The following SPIDR variants were observed in gnomAD, a reference collection of about 807,000 sequenced individuals.
The protein encoded by SPIDR is scaffold protein involved in DNA repair, also known as DNA repair-scaffolding protein.
A neutral mutation model predicts 104.6 loss-of-function variants in SPIDR; 93 were observed. The ratio of observed to expected loss-of-function variants is 0.89; its 90% CI spans 0.75 to 1.06. SPIDR has a LOEUF of 1.06. Ranked by LOEUF, SPIDR falls within the 50% of genes least tolerant of loss-of-function variation. The pLI is 0.00. For synonymous variants in SPIDR, 431 were observed against 416.9 expected (o/e 1.03, Z -0.41); for missense variants, 1,154 against 1,111.2 (o/e 1.04, Z -0.55).
At chr8:47,312,169 G>A (rs1368439186) in intron 5 of SPIDR, among the ~76,000 whole-genome samples, 17 of 152,218 alleles carry the variant, frequency 1.1e-4, no homozygotes, top group African/African-American at 2.9e-4. Context: ...GAATAGTGCC[G>A]CAGTAAACAT....
In SPIDR at chr8:47,592,095, A is replaced by C. The variant is rs932935740; in HGVS notation, c.1098-3716A>C. ...CATTAAATGCAAACAAAAAGGAGGA[A>C]GTCTTGGCAGAACAGGAGAAGTGAT... On this transcript the variant is annotated intron_variant, in intron 8 of 19. Coordinates refer to ENST00000297423, the MANE Select transcript of SPIDR (RefSeq NM_001080394.4). 3 of 1,275,204 alleles carry C rather than the reference A, an allele frequency of 2.4e-6. No homozygotes were observed. The African/African-American group carries it at 4.5e-5, about 19-fold the overall frequency. 79.0% of individuals were successfully genotyped at this position (1,275,204 alleles called of 1,614,324 possible). A position where few individuals can be genotyped will look rare whatever the true frequency, so the allele number is the denominator to read the frequency against.
At chr8:47,510,832 C>T (rs1304389442) in intron 8 of SPIDR, among the ~76,000 whole-genome samples, 2 of 152,030 alleles carry the variant, frequency 1.3e-5, no homozygotes, top group Non-Finnish European at 2.9e-5. Flanking sequence ...TCATTAAAGT[C>T]CATTGATCAT....
intron 8 of SPIDR, among the ~76,000 whole-genome samples, chr8:47,578,479 A>AT (rs981839126): frequency 3.2e-4 from 49 of 152,202 alleles, no homozygotes; most frequent in African/African-American, 1.1e-3. Flanking sequence ...CTCAAAAAAA[A>AT]AATAATAATA....
At chr8:47,668,196 A>G (rs775065094) in intron 10 of SPIDR, among the ~76,000 whole-genome samples, 1 of 152,182 alleles carries the variant, frequency 6.6e-6, no homozygotes, top group Admixed American at 6.5e-5. Flanking sequence ...AAGGTAATCA[A>G]CTTGTTCTGT....
chr8:47,429,255 G>C (rs569103491), intron 7 of SPIDR, among the ~76,000 whole-genome samples: 9 of 152,148 alleles, frequency 5.9e-5, no homozygotes, highest in Non-Finnish European at 1.2e-4. Context: ...AGAGGAAGGG[G>C]TACTTAATAC....
Position 47,599,070 on chromosome 8 carries a change from G to A in SPIDR, c.1418G>A (p.Gly473Glu). Reference protein sequence around the residue: ...DSLLDVVESQGAASWPGAGVR... With the variant: ...DSLLDVVESQEAASWPGAGVR... ...CTCCTGGATGTGGTGGAAAGCCAGG[G>A]AGCTGCCTCGTGGCCAGGAGCTGGA... The change falls in exon 10 of 20, where the codon GGA (glycine) becomes GAA (glutamate). Residue 473 changes from glycine (G) to glutamate (E), a missense_variant. Transcript: ENST00000297423. The A allele has an allele frequency of 6.2e-7, 1 of 1,612,908 alleles. No homozygotes were observed. The highest frequency in any genetic ancestry group is 8.5e-7 in the Non-Finnish European group (1 of 1,179,460).
chr8:47,480,199 T>A (rs1424579948), intron 8 of SPIDR, among the ~76,000 whole-genome samples: 1 of 152,082 alleles, frequency 6.6e-6, no homozygotes, highest in Non-Finnish European at 1.5e-5. Flanking sequence ...CACTGAAGAT[T>A]TAGAGGTGAA....
intron 1 of SPIDR, among the ~76,000 whole-genome samples, chr8:47,276,540 A>G (rs2036462585): frequency 6.6e-6 from 1 of 152,252 alleles, no homozygotes; most frequent in African/African-American, 2.4e-5. Context: ...AATGTGGACA[A>G]ATACAGTAAC....
chr8:47,263,608 T>G (rs1314738005), intron 1 of SPIDR, among the ~76,000 whole-genome samples: 11 of 152,214 alleles, frequency 7.2e-5, no homozygotes, highest in Non-Finnish European at 1.6e-4. Context: ...CGTGAGCCAC[T>G]GCGCCCGGCC....
Position 47,735,701 on chromosome 8 carries a change from C to CT in SPIDR, c.*253dup. 1.2e-6 allele frequency: 1 copy of CT among 865,758 alleles called. No individual in the cohort carries two copies. The highest frequency in any genetic ancestry group is 1.7e-6 in the Non-Finnish European group (1 of 589,204). The allele number at this position is 865,758 out of a possible 1,614,324, so 53.6% of individuals were successfully genotyped here. A position where few individuals can be genotyped will look rare whatever the true frequency, so the allele number is the denominator to read the frequency against. On this transcript the variant is annotated 3_prime_UTR_variant, in exon 20 of 20. Coordinates refer to ENST00000297423, the MANE Select transcript of SPIDR (RefSeq NM_001080394.4). The stretch of plus-strand genomic sequence containing the variant: ...ATATTTACTCGTTTTCACATTGAAT[C>CT]TTAAGTTTAAGCTCTTCATTTGGTA...
intron 8 of SPIDR, 112 bp from the exon 9 acceptor site, chr8:47,595,699 C>A: frequency 1.0e-6 from 1 of 1,003,124 alleles, no homozygotes; most frequent in Non-Finnish European, 1.5e-6. Context: ...GTGGGCTTGG[C>A]TTTAGCTGTC....
chr8:47,302,572 A>C (rs1034456755), intron 5 of SPIDR, among the ~76,000 whole-genome samples: 4 of 151,924 alleles, frequency 2.6e-5, no homozygotes, highest in Non-Finnish European at 5.9e-5. Flanking sequence ...CCATCTTTGT[A>C]GTTTTATGTA....
intron 5 of SPIDR, among the ~76,000 whole-genome samples, chr8:47,331,986 T>TC (rs2048791454): frequency 7.8e-5 from 3 of 38,684 alleles, no homozygotes; most frequent in Admixed American, 2.9e-4. Flanking sequence ...TTTTTTTTTT[T>TC]CTCTTTTTTT....
At chr8:47,720,132 C>G in intron 16 of SPIDR, among the ~76,000 whole-genome samples, 1 of 152,214 alleles carries the variant, frequency 6.6e-6, no homozygotes, top group Non-Finnish European at 1.5e-5. Context: ...TTCAGATTAG[C>G]TTATTTCCGT....
At chr8:47,521,570 C>T (rs958571923) in intron 8 of SPIDR, among the ~76,000 whole-genome samples, 9 of 151,332 alleles carry the variant, frequency 5.9e-5, no homozygotes, top group South Asian at 2.1e-4. Context: ...ATTACAGGCA[C>T]GCACCACCAT....
chr8:47,662,654 AAT>A (rs1296411044), intron 10 of SPIDR, among the ~76,000 whole-genome samples: 3 of 152,214 alleles, frequency 2.0e-5, no homozygotes, highest in African/African-American at 4.8e-5. Flanking sequence ...ATTTTTCATA[AAT>A]ATGTTTAATT....
At chr8:47,293,254 T>C (rs1586463984) in intron 4 of SPIDR, among the ~76,000 whole-genome samples, 1 of 152,048 alleles carries the variant, frequency 6.6e-6, no homozygotes, top group East Asian at 1.9e-4. Flanking sequence ...CTCTTAATTA[T>C]GTTTAGTGAA....
intron 5 of SPIDR, among the ~76,000 whole-genome samples, chr8:47,354,316 C>T (rs1469334433): frequency 6.6e-6 from 1 of 150,760 alleles, no homozygotes; most frequent in African/African-American, 2.4e-5. Context: ...AGTTCTTCCT[C>T]AGTTTCTTTA....
chr8:47,449,728 C>G (rs1333579503), intron 8 of SPIDR, among the ~76,000 whole-genome samples: 1 of 152,136 alleles, frequency 6.6e-6, no homozygotes, highest in Non-Finnish European at 1.5e-5. Flanking sequence ...TCTGGATAAT[C>G]TGAAAAACTG....
Sources: allele counts gnomAD v4.1 joint callset (sites outside exome capture counted in the v4.1 genomes callset), GRCh38; gene constraint gnomAD v4.1.1; transcripts MANE v1.5; gene names NCBI Gene and HGNC (gene_info 2026-07-23, HGNC 2026-07-21).